The following UNC13C variants were observed in gnomAD, a reference collection of about 807,000 sequenced individuals.
The protein encoded by UNC13C is protein unc-13 homolog C.
A neutral mutation model predicts 245.4 loss-of-function variants in UNC13C; 174 were observed. The ratio of observed to expected loss-of-function variants is 0.71; its 90% CI spans 0.63 to 0.80. The LOEUF is 0.80. UNC13C is among the 30% of genes least tolerant of loss of function. UNC13C has a pLI of 0.00. For missense variants in UNC13C, 2,829 were observed against 2,602.9 expected (o/e 1.09, Z -1.89); for synonymous variants, 992 against 895.1 (o/e 1.11, Z -1.93).
intron 19 of UNC13C, among the ~76,000 whole-genome samples, chr15:54,471,581 T>C (rs923164969): frequency 2.0e-5 from 3 of 151,614 alleles, no homozygotes; most frequent in Non-Finnish European, 4.4e-5. Context: ...CTATGACTTT[T>C]CCATAAGGTG....
At chr15:54,211,790 A>G (rs991394735) in intron 4 of UNC13C, among the ~76,000 whole-genome samples, 4 of 152,142 alleles carry the variant, frequency 2.6e-5, no homozygotes, top group Non-Finnish European at 5.9e-5. Context: ...AGAAGAATCA[A>G]AGGAAATGAG....
chr15:54,198,918 A>C (rs559515116), intron 4 of UNC13C, among the ~76,000 whole-genome samples: 1 of 152,188 alleles, frequency 6.6e-6, no homozygotes, highest in South Asian at 2.1e-4. Flanking sequence ...GAGAAAGGTG[A>C]AGTCTAACTT....
the UNC13C span, among the ~76,000 whole-genome samples, chr15:53,963,660 G>A: frequency 5.3e-5 from 8 of 152,150 alleles, no homozygotes; most frequent in African/African-American, 1.9e-4. Context: ...TATAAGAGGA[G>A]CCCTGCTAAG....
intron 2 of UNC13C, among the ~76,000 whole-genome samples, chr15:54,068,866 T>C (rs1295499876): frequency 1.3e-5 from 2 of 152,188 alleles, no homozygotes; most frequent in Non-Finnish European, 2.9e-5. Flanking sequence ...GTGAGTAATA[T>C]TGACAGGTCA....
At chr15:54,337,515 C>G (rs113521433) in intron 16 of UNC13C, among the ~76,000 whole-genome samples, 6 of 152,238 alleles carry the variant, frequency 3.9e-5, no homozygotes, top group African/African-American at 1.4e-4. Flanking sequence ...ATATTGGGGT[C>G]AACTGGAGTC....
chr15:53,990,082 T>C (rs1178659416), intron 1 of UNC13C, among the ~76,000 whole-genome samples: 1 of 152,052 alleles, frequency 6.6e-6, no homozygotes, highest in African/African-American at 2.4e-5. Context: ...CGGGCCATGA[T>C]AACCAGGAGT....
chr15:53,949,164 C>A, the UNC13C span, among the ~76,000 whole-genome samples: 1 of 152,084 alleles, frequency 6.6e-6, no homozygotes, highest in African/African-American at 2.4e-5. Context: ...AAGAACTTAC[C>A]AATATTTTAG....
At chr15:54,212,353 C>T (rs2034906461) in intron 4 of UNC13C, among the ~76,000 whole-genome samples, 2 of 152,016 alleles carry the variant, frequency 1.3e-5, no homozygotes, top group Admixed American at 6.6e-5. Flanking sequence ...AGAAACATGC[C>T]TGATTTTAAG....
chr15:54,603,329 A>G (rs1025827052), intron 30 of UNC13C, among the ~76,000 whole-genome samples: 14 of 152,180 alleles, frequency 9.2e-5, no homozygotes, highest in African/African-American at 3.1e-4. Context: ...TGATTCCTCA[A>G]TTATTGATGA....
At chr15:54,363,742 A>C (rs186250876) in intron 17 of UNC13C, among the ~76,000 whole-genome samples, 1 of 152,310 alleles carries the variant, frequency 6.6e-6, no homozygotes, top group Admixed American at 6.5e-5. Flanking sequence ...GTCTGTGTTA[A>C]ATTTCCTGAT....
chr15:53,887,623 C>G, the UNC13C span, among the ~76,000 whole-genome samples: 1 of 151,860 alleles, frequency 6.6e-6, no homozygotes, highest in Non-Finnish European at 1.5e-5. Context: ...ATGTGCAGAA[C>G]ATGCAGTTTT....
At chr15:54,485,564 A>G (rs1433634144) in intron 19 of UNC13C, among the ~76,000 whole-genome samples, 1 of 152,226 alleles carries the variant, frequency 6.6e-6, no homozygotes, top group Non-Finnish European at 1.5e-5. Flanking sequence ...TCTGTTCACC[A>G]GATAGCAACC....
chr15:54,300,241 C>T lies in UNC13C; in HGVS notation c.4136C>T (p.Ser1379Phe). 6.2e-7 allele frequency: 1 copy of T among 1,600,316 alleles called. No homozygotes were observed. The highest frequency in any genetic ancestry group is 1.1e-5 in the South Asian group (1 of 88,306). Reference protein sequence around the residue: ...NLFHYLTEVKSNGGVKIPEVK... With the variant: ...NLFHYLTEVKFNGGVKIPEVK... ...TTCCATTACTTGACTGAAGTGAAAT[C>T]TAATGGTGGAGTGAAAATCCCAGAA... is the stretch of plus-strand genomic sequence containing the variant. The change falls in exon 13 of 33, where the codon TCT becomes TTT. Residue 1379 changes from serine (S) to phenylalanine (F), a missense_variant. Coordinates refer to ENST00000260323, the MANE Select transcript of UNC13C (RefSeq NM_001080534.3).
At chr15:54,427,364 C>G (rs1325015698) in intron 19 of UNC13C, among the ~76,000 whole-genome samples, 1 of 150,216 alleles carries the variant, frequency 6.7e-6, no homozygotes, top group South Asian at 2.1e-4. Context: ...CTTGCTTCCA[C>G]CATGTAAGAA....
At chr15:54,418,924 A>G (rs1018291596) in intron 19 of UNC13C, among the ~76,000 whole-genome samples, 2 of 152,092 alleles carry the variant, frequency 1.3e-5, no homozygotes, top group Admixed American at 6.6e-5. Flanking sequence ...CACATTCCAC[A>G]GTTTCCTCCA....
intron 13 of UNC13C, among the ~76,000 whole-genome samples, chr15:54,308,070 TC>T (rs1330565484): frequency 1.3e-5 from 2 of 151,982 alleles, no homozygotes; most frequent in African/African-American, 4.8e-5. Context: ...TTTTGGTACT[TC>T]TTTCCAATCA....
At chr15:54,110,743 A>G (rs1388939767) in intron 2 of UNC13C, among the ~76,000 whole-genome samples, 1 of 152,150 alleles carries the variant, frequency 6.6e-6, no homozygotes, top group Admixed American at 6.5e-5. Flanking sequence ...CTTTGGTACC[A>G]AATATAATTT....
intron 2 of UNC13C, among the ~76,000 whole-genome samples, chr15:54,112,804 C>T (rs1254821904): frequency 6.6e-6 from 1 of 152,216 alleles, no homozygotes; most frequent in Non-Finnish European, 1.5e-5. Context: ...GACCTCTCTG[C>T]TCAGAGCCAA....
chr15:54,305,326 A>G (rs1423324840), intron 13 of UNC13C, among the ~76,000 whole-genome samples: 4 of 152,122 alleles, frequency 2.6e-5, no homozygotes, highest in African/African-American at 4.8e-5. Context: ...GTGAGAGCAC[A>G]CTACATTGAT....
Sources: allele counts gnomAD v4.1 joint callset (sites outside exome capture counted in the v4.1 genomes callset), GRCh38; gene constraint gnomAD v4.1.1; transcripts MANE v1.5; gene names NCBI Gene and HGNC (gene_info 2026-07-23, HGNC 2026-07-21).